AGO2: variants seen among roughly 807,000 people sequenced by gnomAD.
AGO2 encodes protein argonaute-2.
In AGO2, 5 loss-of-function variants were observed where a neutral mutation model predicts 102.3. The observed-to-expected ratio is 0.05, with a 90% CI of 0.03 to 0.10. AGO2 has a LOEUF of 0.10. Among genes scored for constraint, AGO2 ranks in the 10% least tolerant of loss-of-function variants. The probability of loss-of-function intolerance (pLI) is 1.00; values close to 1 mark genes in which losing one functional copy is unlikely to be tolerated. For missense variants in AGO2, 541 were observed against 1,183.7 expected (o/e 0.46, Z 7.97); for synonymous variants, 449 against 473.1 (o/e 0.95, Z 0.66).
At chr8:140,553,888 T>A (rs182535758) in intron 10 of AGO2, among the ~76,000 whole-genome samples, 1 of 150,352 alleles carries the variant, frequency 6.7e-6, no homozygotes, top group South Asian at 2.1e-4. Flanking sequence ...TTAGTAGAGA[T>A]AGGGTTTCGC....
In AGO2 at chr8:140,610,046, A is replaced by G. The variant is rs1399744270; in HGVS notation, c.23-24735T>C. On this transcript the variant is annotated intron_variant, in intron 1 of 18. Coordinates refer to ENST00000220592, the MANE Select transcript of AGO2 (RefSeq NM_012154.5). ...TTGACTCTAAAAAAAAAAAAAAAAA[A>G]AAAAAAAGAAAAGCCAGGTATGGTG... 2.0e-5 allele frequency among the ~76,000 whole-genome samples: 3 copies of G among 147,508 alleles called. No individual in the cohort carries two copies. The South Asian group carries it at 6.4e-4, about 32-fold the overall frequency.
rs753104818 is a variant in AGO2, at chr8:140,539,464, C to A, written c.2035-10G>T. 1.2e-6 allele frequency: 2 copies of A among 1,607,464 alleles called. No homozygotes were observed. Among genetic ancestry groups the A allele is most frequent in the Admixed American group, 1.7e-5 (1 of 58,958 alleles). The stretch of plus-strand genomic sequence containing the variant: ...ACTCGTGGTGGAGAACCTAGGGGTA[C>A]GGGAGGGAGGAGGTTGTGCTTAAAG... On this transcript the variant is annotated splice_polypyrimidine_tract_variant and intron_variant, in intron 15 of 18. Transcript: ENST00000220592. The surrounding 1 kb of genome is among the most constrained non-coding windows in gnomAD (Gnocchi z 4.7).
chr8:140,597,839 TC>T (rs1466264936), intron 1 of AGO2, among the ~76,000 whole-genome samples: 1 of 152,164 alleles, frequency 6.6e-6, no homozygotes, highest in African/African-American at 2.4e-5. Context: ...CATCAACATC[TC>T]CTGCTCATCT....
chr8:140,556,202 AC>A lies in AGO2; in HGVS notation c.1110del (p.Arg370SerfsTer13). On this transcript the variant is annotated frameshift_variant, in exon 9 of 19. Coordinates refer to ENST00000220592, the MANE Select transcript of AGO2 (RefSeq NM_012154.5). LOFTEE classifies it high-confidence loss of function. ...ATCTCTTCTTGCCGATCGGGCGCCG[AC>A]CTAGCAGTCGCTCTGATCATGGTTG... ...QTSTMIRATA[R>X]SAPDRQEEIS... The A allele has an allele frequency of 6.2e-7, 1 of 1,614,184 alleles. No homozygotes were observed. The highest frequency in any genetic ancestry group is 2.2e-5 in the East Asian group (1 of 44,882).
At chr8:140,541,590 TTAAAC>T in intron 14 of AGO2, 3 of 462,924 alleles carry the variant, frequency 6.5e-6, no homozygotes, top group Non-Finnish European at 1.1e-5. Flanking sequence ...GTTACATAGT[TTAAAC>T]AAAACAAAAC....
rs1280635020 is a variant in AGO2 at position 140,520,901 on chromosome 8, C to A, written c.*11143G>T. 6.6e-6 allele frequency: 1 copy of A among 152,218 alleles called. No homozygotes were observed. Among genetic ancestry groups the A allele is most frequent in the East Asian group, 1.9e-4 (1 of 5,186 alleles). 9.4% of individuals were successfully genotyped at this position (152,218 alleles called of 1,614,324 possible). On this transcript the variant is annotated 3_prime_UTR_variant, in exon 19 of 19. Coordinates refer to ENST00000220592, the MANE Select transcript of AGO2 (RefSeq NM_012154.5). ...TTCTAATATAGGGCAACCTTCGAGCCAGATATTGCAGCAATTTTTTTAAAT... is the reference window on the plus strand; with the variant it reads ...TTCTAATATAGGGCAACCTTCGAGCAAGATATTGCAGCAATTTTTTTAAAT...
Position 140,618,815 on chromosome 8 carries a change from C to CA in AGO2, c.22+16669dup, listed in dbSNP as rs543573898. 2.3e-3 allele frequency among the ~76,000 whole-genome samples: 318 copies of CA among 138,402 alleles called. 4 individuals carry two copies. The East Asian group carries it at 0.026, about 11-fold the overall frequency. The allele number at this position is 138,402 out of a possible 152,430, so 90.8% of individuals were successfully genotyped here. ...AGCCTGGGTGAGTGAGACCTTGTCTCAAAAAAAAAAGAAAAGAAAAGAAAA... is the reference window on the plus strand; with the variant it reads ...AGCCTGGGTGAGTGAGACCTTGTCTCAAAAAAAAAAAGAAAAGAAAAGAAAA... On this transcript the variant is annotated intron_variant, in intron 1 of 18. Coordinates refer to ENST00000220592, the MANE Select transcript of AGO2 (RefSeq NM_012154.5).
In AGO2 at chr8:140,555,996, G is replaced by C; in HGVS notation, c.1169C>G (p.Thr390Arg). Residue 390 changes from threonine to arginine, a missense_variant, in exon 10 of 19, where the codon ACA (threonine) becomes AGA (arginine). By Grantham distance (71) the Thr-to-Arg change is moderately conservative. Transcript: ENST00000220592. ...TCCAAATTCACGGACGTATGGATCT[G>C]TGTTGAAACTTGCACTTCGCATCTG... is the stretch of plus-strand genomic sequence containing the variant. ...SKLMRSASFN[T>R]DPYVREFGIM... The C allele has an allele frequency of 1.9e-6, 3 of 1,614,222 alleles. No individual in the cohort carries two copies. The highest frequency in any genetic ancestry group is 2.5e-6 in the Non-Finnish European group (3 of 1,180,034).
At chr8:140,552,738 G>A (rs62527844) in intron 10 of AGO2, among the ~76,000 whole-genome samples, 9 of 97,414 alleles carry the variant, frequency 9.2e-5, no homozygotes, top group Admixed American at 2.1e-4. Flanking sequence ...ACGCGCGCGC[G>A]CGCACACACA....
At chr8:140,581,907 T>C (rs1196839222) in intron 2 of AGO2, among the ~76,000 whole-genome samples, 1 of 152,226 alleles carries the variant, frequency 6.6e-6, no homozygotes, top group Non-Finnish European at 1.5e-5. Context: ...ACCATCACCA[T>C]GGCTTAGAAC....
intron 10 of AGO2, among the ~76,000 whole-genome samples, chr8:140,554,189 G>T (rs1388442361): frequency 6.6e-6 from 1 of 152,232 alleles, no homozygotes; most frequent in Non-Finnish European, 1.5e-5. Context: ...CACTCCTCTT[G>T]CCCTCCCGGG....
At chr8:140,551,689 G>GTTGATGGGTGGGTGGATGC (rs1181491890) in intron 10 of AGO2, among the ~76,000 whole-genome samples, 2 of 151,554 alleles carry the variant, frequency 1.3e-5, no homozygotes, top group African/African-American at 4.9e-5. Flanking sequence ...TGGGTGGATG[G>GTTGATGGGTGGGTGGATGC]TTGATGGGTC....
intron 1 of AGO2, among the ~76,000 whole-genome samples, chr8:140,587,648 C>T (rs192800980): frequency 1.3e-5 from 2 of 152,384 alleles, no homozygotes; most frequent in East Asian, 3.9e-4. Context: ...GATGCCCACC[C>T]TGGGCTGTGA....
chr8:140,539,599 G>T lies in AGO2; in HGVS notation c.2035-145C>A. 1.0e-6 allele frequency: 1 copy of T among 966,794 alleles called. No homozygotes were observed. The highest frequency in any genetic ancestry group is 1.5e-6 in the Non-Finnish European group (1 of 663,296). The allele number at this position is 966,794 out of a possible 1,614,324, so 59.9% of individuals were successfully genotyped here. A position where few individuals can be genotyped will look rare whatever the true frequency, so the allele number is the denominator to read the frequency against. ...GTGTTCACGGGGAGGTGAAAACACG[G>T]GGGCAGAAACCATCCTCTCTGCAGG... is the stretch of plus-strand genomic sequence containing the variant. On this transcript the variant is annotated intron_variant, in intron 15 of 18. Coordinates refer to ENST00000220592, the MANE Select transcript of AGO2 (RefSeq NM_012154.5). The surrounding 1 kb of genome is among the most constrained non-coding windows in gnomAD (Gnocchi z 4.7).
At chr8:140,545,148 C>T (rs914744297) in intron 13 of AGO2, among the ~76,000 whole-genome samples, 2 of 152,196 alleles carry the variant, frequency 1.3e-5, no homozygotes, top group Non-Finnish European at 2.9e-5. Flanking sequence ...GTGACTCACT[C>T]TCCGCCCACA....
chr8:140,580,117 G>A (rs1027592649), intron 2 of AGO2, among the ~76,000 whole-genome samples: 1 of 152,214 alleles, frequency 6.6e-6, no homozygotes, highest in Non-Finnish European at 1.5e-5. Flanking sequence ...ATTCTTTCTC[G>A]GGGCTGGCTC....
chr8:140,608,367 C>A (rs1202004461), intron 1 of AGO2, among the ~76,000 whole-genome samples: 1 of 152,212 alleles, frequency 6.6e-6, no homozygotes, highest in East Asian at 1.9e-4. Context: ...CTGTGCAAAT[C>A]ACCACAGTCC....
rs995900084 is a variant in AGO2 at position 140,540,208 on chromosome 8, G to T, written c.2035-754C>A. ...CATTCTGTCCTCCCAGGAGGCCATG[G>T]GTCTCGGGAACGAGCTCTGCTTCCG... On this transcript the variant is annotated intron_variant, in intron 15 of 18. Transcript: ENST00000220592. This position sits in a 1 kb window ranked among gnomAD's most constrained non-coding sequence, Gnocchi z 5.0. Among the ~76,000 whole-genome samples the T allele has an allele frequency of 3.9e-5, 6 of 152,226 alleles. No individual in the cohort carries two copies. Among genetic ancestry groups the T allele is most frequent in the African/African-American group, 9.6e-5 (4 of 41,462 alleles).
intron 1 of AGO2, among the ~76,000 whole-genome samples, chr8:140,608,350 T>G (rs535682689): frequency 6.6e-6 from 1 of 152,340 alleles, no homozygotes; most frequent in South Asian, 2.1e-4. Flanking sequence ...TTCCCTGGTC[T>G]CCTTCTCTGT....
Sources: gnomAD v4.1 joint callset for allele counts (sites outside exome capture counted in the v4.1 genomes callset) on GRCh38, gnomAD v4.1.1 for gene constraint, Gnocchi (gnomAD v3.1) non-coding constraint, MANE v1.5 for transcripts, NCBI Gene and HGNC (gene_info 2026-07-23, HGNC 2026-07-21) for gene names.